Variants in PDE1A observed in about 807,000 individuals in gnomAD.
PDE1A encodes the protein phosphodiesterase 1A.
A neutral mutation model predicts 61.7 loss-of-function variants in PDE1A; 35 were observed. That is an observed-to-expected ratio of 0.57 (90% CI 0.43 to 0.75). The LOEUF (loss-of-function observed/expected upper bound fraction) is 0.75, where lower values mean the gene tolerates loss of function less well. Among genes scored for constraint, PDE1A ranks in the 30% least tolerant of loss-of-function variants. The probability of loss-of-function intolerance (pLI) is 0.00; values close to 1 mark genes in which losing one functional copy is unlikely to be tolerated. For synonymous variants in PDE1A, 232 were observed against 213.2 expected (o/e 1.09, Z -0.77); for missense variants, 597 against 630.6 (o/e 0.95, Z 0.57).
At chr2:182,334,363 G>A (rs1274968984) in intron 1 of PDE1A, among the ~76,000 whole-genome samples, 1 of 151,278 alleles carries the variant, frequency 6.6e-6, no homozygotes, top group East Asian at 1.9e-4. Flanking sequence ...GAACATCGAT[G>A]CAAAAATCCT....
Position 182,169,488 on chromosome 2 carries a change from CAGAA to C in PDE1A, c.1517-1202_1517-1199del, listed in dbSNP as rs1178197819. 6.6e-5 allele frequency among the ~76,000 whole-genome samples: 10 copies of C among 151,928 alleles called. No homozygotes were observed. The East Asian group carries it at 1.7e-3, about 27-fold the overall frequency. On this transcript the variant is annotated intron_variant, in intron 13 of 13. Transcript: ENST00000351439. ...GATCACAACAATGAGATATGACACA[CAGAA>C]AGAAAAAAAATCTATAATACTCAAT...
chr2:182,532,669 A>G, the PDE1A span, among the ~76,000 whole-genome samples: 1 of 152,186 alleles, frequency 6.6e-6, no homozygotes, highest in Non-Finnish European at 1.5e-5. Context: ...TTAAAAATCA[A>G]TGAATTTGCC....
At chr2:182,295,325 C>A (rs1694814228) in intron 1 of PDE1A, among the ~76,000 whole-genome samples, 1 of 151,892 alleles carries the variant, frequency 6.6e-6, no homozygotes, top group Non-Finnish European at 1.5e-5. Context: ...CCACCCGCCT[C>A]GGCCTCCCAA....
chr2:182,360,346 C>A (rs1008911930), intron 1 of PDE1A, among the ~76,000 whole-genome samples: 1 of 152,030 alleles, frequency 6.6e-6, no homozygotes, highest in African/African-American at 2.4e-5. Context: ...GTGAGGCAAT[C>A]GGATTTGGCA....
At chr2:182,255,135 C>T (rs1217529472) in intron 2 of PDE1A, among the ~76,000 whole-genome samples, 1 of 152,056 alleles carries the variant, frequency 6.6e-6, no homozygotes, top group African/African-American at 2.4e-5. Flanking sequence ...CATTCCAGAG[C>T]AAGCAAAACA....
chr2:182,562,104 G>A, the PDE1A span, among the ~76,000 whole-genome samples: 1 of 151,374 alleles, frequency 6.6e-6, no homozygotes. Context: ...TTGAATAGGA[G>A]TGGTAAGAGA....
At position 182,205,882 on chromosome 2, in the gene PDE1A, C is replaced by T. The variant is rs987716119; in HGVS notation, c.902+58G>A. On this transcript the variant is annotated intron_variant, in intron 8 of 13. Transcript: ENST00000351439. ...TTCATCTTTTTTCTTGACTTTAAAT[C>T]GCATAATTTATTCCTTTCCTGAAAT... The T allele has an allele frequency of 1.0e-4, 148 of 1,469,948 alleles. 1 individual carries two copies. The South Asian group carries it at 1.0e-3, about 10-fold the overall frequency. 91.1% of individuals were successfully genotyped at this position (1,469,948 alleles called of 1,614,324 possible).
At chr2:182,337,160 C>T (rs182184860) in intron 1 of PDE1A, among the ~76,000 whole-genome samples, 1 of 152,032 alleles carries the variant, frequency 6.6e-6, no homozygotes, top group East Asian at 1.9e-4. Context: ...TACACTTTGC[C>T]TTATATGTAC....
intron 2 of PDE1A, among the ~76,000 whole-genome samples, chr2:182,264,043 G>C (rs1379409419): frequency 6.6e-6 from 1 of 152,136 alleles, no homozygotes; most frequent in Non-Finnish European, 1.5e-5. Flanking sequence ...TGGGGGAAGA[G>C]GAGATTTTTT....
the PDE1A span, among the ~76,000 whole-genome samples, chr2:182,682,690 C>T: frequency 1.3e-5 from 2 of 152,202 alleles, no homozygotes; most frequent in African/African-American, 4.8e-5. Flanking sequence ...AAAACTTTTA[C>T]TATGTCAAGA....
At chr2:182,171,947 A>G (rs958016206) in intron 13 of PDE1A, among the ~76,000 whole-genome samples, 2 of 151,908 alleles carry the variant, frequency 1.3e-5, no homozygotes, top group Non-Finnish European at 2.9e-5. Context: ...TTCAGAAGCC[A>G]CAAAACTCCC....
At chr2:182,714,903 G>C in the PDE1A span, among the ~76,000 whole-genome samples, 1 of 152,054 alleles carries the variant, frequency 6.6e-6, no homozygotes, top group East Asian at 1.9e-4. Flanking sequence ...ACATTCTCCT[G>C]TTCTTTCTCC....
intron 13 of PDE1A, among the ~76,000 whole-genome samples, chr2:182,151,398 C>T (rs1379716140): frequency 6.6e-6 from 1 of 152,188 alleles, no homozygotes; most frequent in East Asian, 1.9e-4. Flanking sequence ...AGCCACCACG[C>T]CCTGCCCCCC....
chr2:182,417,642 AT>A (rs1464242423), intron 1 of PDE1A, among the ~76,000 whole-genome samples: 4 of 152,180 alleles, frequency 2.6e-5, no homozygotes, highest in African/African-American at 7.2e-5. Flanking sequence ...AAAGAAAAAA[AT>A]AGCTTATATT....
At chr2:182,145,601 T>G (rs1472663148), downstream of PDE1A, among the ~76,000 whole-genome samples, 1 of 151,996 alleles carries the variant, frequency 6.6e-6, no homozygotes, top group Non-Finnish European at 1.5e-5. Flanking sequence ...TGGGGGTGGG[T>G]GCCTGTAGTC....
chr2:182,621,950 C>T, the PDE1A span, among the ~76,000 whole-genome samples: 1 of 152,170 alleles, frequency 6.6e-6, no homozygotes, highest in Non-Finnish European at 1.5e-5. Flanking sequence ...GAGAATTACA[C>T]ATTTTCATGA....
At chr2:182,345,374 A>C (rs1421906169) in intron 1 of PDE1A, among the ~76,000 whole-genome samples, 4 of 152,166 alleles carry the variant, frequency 2.6e-5, no homozygotes, top group Non-Finnish European at 5.9e-5. Context: ...GACTTAGGAC[A>C]CAATTTCTTG....
At chr2:182,667,996 G>A in the PDE1A span, among the ~76,000 whole-genome samples, 1 of 152,166 alleles carries the variant, frequency 6.6e-6, no homozygotes, top group African/African-American at 2.4e-5. Flanking sequence ...GGATGGTGCT[G>A]ATGAAGATGC....
chr2:182,671,361 T>TTTTTTTTTTTTTTTC, the PDE1A span, among the ~76,000 whole-genome samples: 1 of 114,206 alleles, frequency 8.8e-6, no homozygotes, highest in Non-Finnish European at 1.8e-5. Flanking sequence ...TTTTTTTTTT[T>TTTTTTTTTTTTTTTC]GTATTTTTAG....
Sources: allele counts gnomAD v4.1 joint callset (sites outside exome capture counted in the v4.1 genomes callset), GRCh38; gene constraint gnomAD v4.1.1; transcripts MANE v1.5; gene names NCBI Gene and HGNC (gene_info 2026-07-23, HGNC 2026-07-21).